TNS1: variants seen among roughly 807,000 people sequenced by gnomAD.
TNS1 encodes the protein tensin 1.
Under a neutral mutation model 168.6 loss-of-function variants are expected in TNS1, and 62 were observed. That is an observed-to-expected ratio of 0.37 (90% confidence interval 0.30 to 0.45). TNS1 has a LOEUF of 0.45. Among genes scored for constraint, TNS1 ranks in the 20% least tolerant of loss-of-function variants. The pLI is 1.00. For synonymous variants in TNS1, 934 were observed against 933.2 expected, an observed-to-expected ratio of 1.00 and a Z score of -0.02; for missense variants, 2,240 against 2,339.4, an observed-to-expected ratio of 0.96 and a Z score of 0.88.
chr2:217,942,634 A>T (rs1956970491), intron 3 of TNS1, among the ~76,000 whole-genome samples: 1 of 152,162 alleles, frequency 6.6e-6, no homozygotes, highest in Non-Finnish European at 1.5e-5. Context: ...GGAGGGGAAG[A>T]GAGGGTGCTC....
chr2:217,830,957 A>G (rs891522448), intron 22 of TNS1, among the ~76,000 whole-genome samples: 1 of 152,082 alleles, frequency 6.6e-6, no homozygotes, highest in African/African-American at 2.4e-5. Context: ...ATGCCAGGTG[A>G]TGCCTTGTGG....
intron 19 of TNS1, among the ~76,000 whole-genome samples, chr2:217,846,140 A>G (rs775032150): frequency 4.6e-5 from 7 of 152,178 alleles, no homozygotes; most frequent in Non-Finnish European, 1.0e-4. Context: ...GAGGTTAAGA[A>G]CTGCCCATCC....
intron 32 of TNS1, among the ~76,000 whole-genome samples, 173 bp from the exon 33 acceptor site, chr2:217,804,776 C>T (rs1336693432): frequency 6.6e-6 from 1 of 152,128 alleles, no homozygotes. Context: ...CTGTGCACTC[C>T]CCTGACCACA....
At chr2:217,898,124 C>T (rs536741067) in intron 7 of TNS1, among the ~76,000 whole-genome samples, 155 bp from the exon 8 acceptor site, 107 of 152,254 alleles carry the variant, frequency 7.0e-4, no homozygotes, top group Non-Finnish European at 1.1e-3. Flanking sequence ...CACAGGCTTC[C>T]TCTGGCAAGG....
chr2:217,870,974 A>G (rs1351668884), intron 18 of TNS1, among the ~76,000 whole-genome samples: 3 of 152,214 alleles, frequency 2.0e-5, no homozygotes, highest in Non-Finnish European at 4.4e-5. Flanking sequence ...CCAGTGAGTC[A>G]GGAGAGGACT....
intron 1 of TNS1, among the ~76,000 whole-genome samples, chr2:217,999,391 G>A (rs992564154): frequency 2.0e-5 from 3 of 152,214 alleles, no homozygotes; most frequent in Non-Finnish European, 2.9e-5. Context: ...GGAAACCAAA[G>A]CACAGAGATG....
At chr2:217,893,940 G>T (rs549856807) in intron 9 of TNS1, among the ~76,000 whole-genome samples, 2 of 152,214 alleles carry the variant, frequency 1.3e-5, no homozygotes, top group Non-Finnish European at 2.9e-5. Context: ...ATGCTGAGGG[G>T]CCCCAAGCAC....
chr2:217,924,665 T>C (rs1955918280), intron 3 of TNS1, among the ~76,000 whole-genome samples: 1 of 152,210 alleles, frequency 6.6e-6, no homozygotes, highest in South Asian at 2.1e-4. Flanking sequence ...GTCATACACC[T>C]GATCTCTCCG....
intron 3 of TNS1, among the ~76,000 whole-genome samples, chr2:217,944,950 T>C (rs931401923): frequency 6.6e-6 from 1 of 152,336 alleles, no homozygotes; most frequent in South Asian, 2.1e-4. Flanking sequence ...AAAAGTTATT[T>C]GCTACACACC....
At chr2:218,019,997 CCAGAAATGTG>C (rs1307784245) in intron 1 of TNS1, among the ~76,000 whole-genome samples, 7 of 152,206 alleles carry the variant, frequency 4.6e-5, no homozygotes, top group African/African-American at 1.7e-4. Context: ...AGAGCCAAGC[CCAGAAATGTG>C]AAGTGGATCC....
rs1957154547 is a variant in TNS1 at position 217,948,014 on chromosome 2, G to T, written c.187-27778C>A. Among the ~76,000 whole-genome samples the T allele has an allele frequency of 6.6e-6, 1 of 152,188 alleles. No individual in the cohort carries two copies. Among genetic ancestry groups the T allele is most frequent in the African/African-American group, 2.4e-5 (1 of 41,448 alleles). On this transcript the variant is annotated intron_variant, in intron 3 of 32. Coordinates refer to ENST00000682258, the MANE Select transcript of TNS1 (RefSeq NM_001387777.1). The surrounding 1 kb of genome is among the most constrained non-coding windows in gnomAD (Gnocchi z 4.1). ...AAAGCACAAAGCGGCTAATGAAAGA[G>T]ATAGAATTTCAATGCAGCTCTTCCA... is the stretch of plus-strand genomic sequence containing the variant.
In TNS1 at chr2:218,033,206, C is replaced by G. The variant is rs140974243; in HGVS notation, c.156+614G>C. ...CTACTCTCCCAGGAAGAAACCAGCACCACACCTATCCCAGGCCTGATGGTT... is the reference window on the plus strand; with the variant it reads ...CTACTCTCCCAGGAAGAAACCAGCAGCACACCTATCCCAGGCCTGATGGTT... On this transcript the variant is annotated intron_variant, in intron 1 of 1. Coordinates refer to the TNS1 transcript ENST00000649572. This position sits in a 1 kb window ranked among gnomAD's most constrained non-coding sequence, Gnocchi z 4.3. Among the ~76,000 whole-genome samples the G allele has an allele frequency of 6.6e-6, 1 of 152,330 alleles. No homozygotes were observed. Among genetic ancestry groups the G allele is most frequent in the Non-Finnish European group, 1.5e-5 (1 of 68,022 alleles).
intron 3 of TNS1, among the ~76,000 whole-genome samples, chr2:217,952,796 T>G (rs1015855138): frequency 3.9e-5 from 6 of 152,166 alleles, no homozygotes; most frequent in Non-Finnish European, 7.4e-5. Context: ...CGAACAGGAT[T>G]GGGGCAAGAA....
chr2:217,805,089 C>CCACA (rs199566419), intron 32 of TNS1, among the ~76,000 whole-genome samples: 1 of 151,808 alleles, frequency 6.6e-6, no homozygotes, highest in Non-Finnish European at 1.5e-5. Context: ...TCACACCCCT[C>CCACA]CACACACACA....
At chr2:217,957,606 C>A (rs1209085151) in intron 3 of TNS1, among the ~76,000 whole-genome samples, 1 of 152,206 alleles carries the variant, frequency 6.6e-6, no homozygotes, top group East Asian at 1.9e-4. Context: ...CTTCTATGTT[C>A]TTCTGCCTGA....
chr2:218,016,713 C>A (rs945103913), intron 1 of TNS1, among the ~76,000 whole-genome samples: 1 of 152,154 alleles, frequency 6.6e-6, no homozygotes, highest in Non-Finnish European at 1.5e-5. Flanking sequence ...ATGGACCCCC[C>A]CAGAAAGACA....
intron 18 of TNS1, among the ~76,000 whole-genome samples, chr2:217,878,541 G>A (rs1950400694): frequency 6.6e-6 from 1 of 152,186 alleles, no homozygotes; most frequent in African/African-American, 2.4e-5. Context: ...CAACTACCAA[G>A]TTCTTGGTGC....
At chr2:217,992,769 G>A (rs1176461259) in intron 1 of TNS1, among the ~76,000 whole-genome samples, 1 of 152,024 alleles carries the variant, frequency 6.6e-6, no homozygotes, top group Non-Finnish European at 1.5e-5. Flanking sequence ...CAGAGAGAAT[G>A]AGAGAGATGA....
At chr2:217,977,623 C>T (rs903380676) in intron 3 of TNS1, among the ~76,000 whole-genome samples, 1 of 151,912 alleles carries the variant, frequency 6.6e-6, no homozygotes, top group African/African-American at 2.4e-5. Context: ...ACTTCACATA[C>T]ATTACCTCAT....
Sources: gnomAD v4.1 joint callset for allele counts (sites outside exome capture counted in the v4.1 genomes callset) on GRCh38, gnomAD v4.1.1 for gene constraint, Gnocchi (gnomAD v3.1) non-coding constraint, MANE v1.5 for transcripts, NCBI Gene and HGNC (gene_info 2026-07-23, HGNC 2026-07-21) for gene names.